The following GPAT3 variants were observed in gnomAD, a reference collection of about 807,000 sequenced individuals.
GPAT3 encodes the protein 1-AGP acyltransferase 9.
A neutral mutation model predicts 58.8 loss-of-function variants in GPAT3; 53 were observed. The ratio of observed to expected loss-of-function variants is 0.90; its 90% CI spans 0.72 to 1.13. The LOEUF (loss-of-function observed/expected upper bound fraction) is 1.13. Ranked by LOEUF, GPAT3 falls within the 50% of genes most tolerant of loss-of-function variation. GPAT3 has a pLI of 0.00. For missense variants in GPAT3, 511 were observed against 527.6 expected, an observed-to-expected ratio of 0.97 and a Z score of 0.31; for synonymous variants, 197 against 187.4, an observed-to-expected ratio of 1.05 and a Z score of -0.42.
intron 2 of GPAT3, among the ~76,000 whole-genome samples, chr4:83,554,953 G>A (rs915223138): frequency 1.3e-4 from 19 of 151,932 alleles, no homozygotes; most frequent in Admixed American, 2.0e-4. Context: ...ATAGGTGTAC[G>A]CCACCATGCC....
rs978386754 is a variant in GPAT3 at position 83,540,073 on chromosome 4, C to T, written c.141+3310C>T. 5.3e-5 allele frequency among the ~76,000 whole-genome samples: 8 copies of T among 151,122 alleles called. No individual in the cohort carries two copies. The East Asian group carries it at 1.6e-3, about 30-fold the overall frequency. On this transcript the variant is annotated intron_variant, in intron 1 of 11. Coordinates refer to ENST00000264409, the MANE Select transcript of GPAT3 (RefSeq NM_032717.5). Reference sequence around the variant, plus strand: ...CTCAGGAGGCTGAGGCTGAGAATCACTTGAACCCGGGAGGCAGAGGCTACA... The same window carrying T: ...CTCAGGAGGCTGAGGCTGAGAATCATTTGAACCCGGGAGGCAGAGGCTACA...
At chr4:83,535,974 G>A, upstream of GPAT3, 3 of 985,442 alleles carry the variant, frequency 3.0e-6, no homozygotes, top group Non-Finnish European at 3.6e-6. Context: ...GGGGCGCGGG[G>A]AAGAACGGAG....
At chr4:83,587,944 T>C (rs761383612) in intron 4 of GPAT3, among the ~76,000 whole-genome samples, 10 of 152,196 alleles carry the variant, frequency 6.6e-5, no homozygotes, top group Non-Finnish European at 1.2e-4. Context: ...CTTTATCTCG[T>C]TCAGGAATTT....
chr4:83,598,190 G>A lies in GPAT3; in HGVS notation c.1125+11G>A. 1 of 1,610,300 alleles carries A rather than the reference G, an allele frequency of 6.2e-7. No homozygotes were observed. Among genetic ancestry groups the A allele is most frequent in the Non-Finnish European group, 8.5e-7 (1 of 1,179,008 alleles). On this transcript the variant is annotated intron_variant, in intron 10 of 11. Coordinates refer to ENST00000264409, the MANE Select transcript of GPAT3 (RefSeq NM_032717.5). ...CCCATGACCAGAGAGGTATTCCTTAGCTAACACTTTATCTAATCAGGTAGA... is the reference window on the plus strand; with the variant it reads ...CCCATGACCAGAGAGGTATTCCTTAACTAACACTTTATCTAATCAGGTAGA...
chr4:83,590,519 A>T (rs1726556013), intron 6 of GPAT3, among the ~76,000 whole-genome samples: 1 of 152,238 alleles, frequency 6.6e-6, no homozygotes, highest in African/African-American at 2.4e-5. Flanking sequence ...ACTTACTGAA[A>T]TGCAGACATT....
In GPAT3 at chr4:83,596,877, G is replaced by C; in HGVS notation, c.874G>C (p.Asp292His). ...VTKRLKEHIA[D>H]KKKLPILIFP... ...CCATAGACTAAAAGAACATATTGCT[G>C]ATAAGAAGAAACTACCCATACTAAT... The change falls in exon 8 of 12, where the codon GAT becomes CAT. Residue 292 changes from aspartate (D) to histidine (H), a missense_variant. Transcript: ENST00000264409. The C allele has an allele frequency of 1.9e-6, 3 of 1,601,718 alleles. No homozygotes were observed. Among genetic ancestry groups the C allele is most frequent in the South Asian group, 2.3e-5 (2 of 87,632 alleles).
chr4:83,557,647 T>G (rs1724987407), intron 2 of GPAT3, among the ~76,000 whole-genome samples: 1 of 152,220 alleles, frequency 6.6e-6, no homozygotes, highest in Admixed American at 6.5e-5. Flanking sequence ...CAGAACTCTT[T>G]CATGCAATCC....
chr4:83,574,502 G>A (rs1187694875), intron 2 of GPAT3, among the ~76,000 whole-genome samples: 2 of 152,106 alleles, frequency 1.3e-5, no homozygotes, highest in African/African-American at 4.8e-5. Flanking sequence ...GAGATAGACA[G>A]TTGTAATTTT....
chr4:83,570,911 T>A (rs1725581014), intron 2 of GPAT3, among the ~76,000 whole-genome samples: 1 of 152,246 alleles, frequency 6.6e-6, no homozygotes, highest in African/African-American at 2.4e-5. Flanking sequence ...ATTACCCCAA[T>A]CGAGCTAAAG....
At chr4:83,588,373 G>C in intron 5 of GPAT3, 74 bp downstream of exon 5, 1 of 1,455,310 alleles carries the variant, frequency 6.9e-7, no homozygotes, top group South Asian at 1.2e-5. Context: ...AGCATTGGAA[G>C]TGGTTGGGAA....
rs1049737831 is a variant in GPAT3 at position 83,565,088 on chromosome 4, G to GTATT, written c.209-16456_209-16453dup. ...AATAATTTCCAGAATTCCATTATAT[G>GTATT]TATTTATTTATTTATTTATTTTATT... On this transcript the variant is annotated intron_variant, in intron 2 of 11. Coordinates refer to ENST00000264409, the MANE Select transcript of GPAT3 (RefSeq NM_032717.5). Among the ~76,000 whole-genome samples the GTATT allele has an allele frequency of 9.9e-5, 15 of 151,748 alleles. No homozygotes were observed. In the East Asian group the frequency reaches 1.2e-3, roughly 12 times the overall value.
At chr4:83,557,143 C>T (rs1724971225) in intron 2 of GPAT3, among the ~76,000 whole-genome samples, 1 of 152,182 alleles carries the variant, frequency 6.6e-6, no homozygotes, top group Admixed American at 6.5e-5. Flanking sequence ...TTGGCAGATG[C>T]AAAGATTTAG....
chr4:83,536,664 G>T lies in GPAT3; in HGVS notation c.42G>T (p.Trp14Cys), dbSNP rs1724102675. The T allele has an allele frequency of 4.3e-6, 7 of 1,613,414 alleles. No homozygotes were observed. The highest frequency in any genetic ancestry group is 1.7e-5 in the Admixed American group (1 of 60,014). Residue 14 changes from tryptophan (W) to cysteine (C), a missense_variant, in exon 1 of 12, where the codon TGG (tryptophan) becomes TGT (cysteine). Transcript: ENST00000264409. ...TGGCCGGGAAGATCCTTTCCACCTG[G>T]CTGACGCTGGTTCTCGGCTTCATCC... ...AELAGKILSTWLTLVLGFILL... is the reference protein window; with the variant it reads ...AELAGKILSTCLTLVLGFILL...
intron 2 of GPAT3, among the ~76,000 whole-genome samples, chr4:83,575,460 T>A (rs1725776161): frequency 6.6e-6 from 1 of 152,126 alleles, no homozygotes; most frequent in Non-Finnish European, 1.5e-5. Context: ...TCGCCCAGGC[T>A]GGAGTGCAGT....
intron 11 of GPAT3, 100 bp downstream of exon 11, chr4:83,598,823 C>T (rs2110110529): frequency 3.8e-6 from 3 of 785,694 alleles, no homozygotes; most frequent in Admixed American, 3.7e-5. Flanking sequence ...GGCTGGAGTG[C>T]AGTAGCATGA....
chr4:83,603,665 C>T (rs538871875), intron 11 of GPAT3, among the ~76,000 whole-genome samples: 40 of 151,970 alleles, frequency 2.6e-4, no homozygotes, highest in African/African-American at 9.2e-4. Flanking sequence ...TGGTGCATGC[C>T]TGTAATCCCA....
intron 2 of GPAT3, among the ~76,000 whole-genome samples, chr4:83,578,963 T>TCTTTCTTTCTTG (rs1725939652): frequency 8.1e-6 from 1 of 123,038 alleles, no homozygotes; most frequent in African/African-American, 3.5e-5. Flanking sequence ...TTTCTTTCTT[T>TCTTTCTTTCTTG]CTTTCTTTCT....
chr4:83,549,542 TA>T (rs999160396), intron 2 of GPAT3, among the ~76,000 whole-genome samples: 8 of 149,294 alleles, frequency 5.4e-5, no homozygotes, highest in African/African-American at 1.7e-4. Context: ...ATATTATTAT[TA>T]TTTTTTTAAG....
intron 1 of GPAT3, among the ~76,000 whole-genome samples, chr4:83,537,487 T>C (rs1724142939): frequency 6.6e-6 from 1 of 152,006 alleles, no homozygotes; most frequent in Admixed American, 6.6e-5. Flanking sequence ...GCCAACCCCC[T>C]TTTACAGAGA....
Sources: allele counts gnomAD v4.1 joint callset (sites outside exome capture counted in the v4.1 genomes callset), GRCh38; gene constraint gnomAD v4.1.1; transcripts MANE v1.5; gene names NCBI Gene and HGNC (gene_info 2026-07-23, HGNC 2026-07-21).